The following GRB10 variants were observed in gnomAD, a reference collection of about 807,000 sequenced individuals.
GRB10 encodes the protein growth factor receptor bound protein 10, also known as growth factor receptor-bound protein 10.
In GRB10, 20 loss-of-function variants were observed where a neutral mutation model predicts 80.9. That is an observed-to-expected ratio of 0.25 (90% confidence interval 0.17 to 0.36). The LOEUF (loss-of-function observed/expected upper bound fraction) is 0.36, where lower values mean the gene tolerates loss of function less well. GRB10 is among the 10% of genes least tolerant of loss of function. The probability of loss-of-function intolerance (pLI) is 1.00; values close to 1 mark genes in which losing one functional copy is unlikely to be tolerated. For missense variants in GRB10, 548 were observed against 747.7 expected, an observed-to-expected ratio of 0.73 and a Z score of 3.12; for synonymous variants, 291 against 291.5, an observed-to-expected ratio of 1.00 and a Z score of 0.02.
chr7:50,659,730 A>G (rs1283762876), intron 7 of GRB10, among the ~76,000 whole-genome samples: 1 of 152,264 alleles, frequency 6.6e-6, no homozygotes, highest in Non-Finnish European at 1.5e-5. Flanking sequence ...TTACAGGACC[A>G]TAAGGTTAGA....
chr7:50,720,017 C>T (rs2153684075), intron 4 of GRB10, among the ~76,000 whole-genome samples: 2 of 152,226 alleles, frequency 1.3e-5, no homozygotes, highest in East Asian at 3.9e-4. Flanking sequence ...AACTTGAATG[C>T]CTCTCAACAA....
rs373678626 is a variant in GRB10 at position 50,618,061 on chromosome 7, G to A, written c.846+10C>T. The stretch of plus-strand genomic sequence containing the variant: ...GTCTATTTCAGCAGAGATCTATTGT[G>A]GCCCAGTACCTGCAAAAGCTGGGTT... On this transcript the variant is annotated intron_variant, in intron 10 of 18. Coordinates refer to ENST00000401949, the MANE Select transcript of GRB10 (RefSeq NM_001350814.2). 6.4e-5 allele frequency: 102 copies of A among 1,603,030 alleles called. No homozygotes were observed. In the African/African-American group the frequency reaches 6.4e-4, roughly 10 times the overall value.
chr7:50,603,966 G>A (rs764888338), intron 17 of GRB10, 32 bp downstream of exon 17: 2 of 1,479,508 alleles, frequency 1.4e-6, no homozygotes, highest in African/African-American at 2.8e-5. Context: ...AACCTTAGCA[G>A]ATGACAGCTC....
At chr7:50,691,689 T>C (rs1019583163) in intron 5 of GRB10, among the ~76,000 whole-genome samples, 3 of 152,218 alleles carry the variant, frequency 2.0e-5, no homozygotes, top group Non-Finnish European at 4.4e-5. Flanking sequence ...TCCATTTCCA[T>C]AAGGCAGAAA....
At position 50,732,334 on chromosome 7, in the gene GRB10, G is replaced by A; in HGVS notation, c.-12C>T. 1.2e-6 allele frequency: 2 copies of A among 1,613,164 alleles called. No homozygotes were observed. Among genetic ancestry groups the A allele is most frequent in the Non-Finnish European group, 1.7e-6 (2 of 1,179,470 alleles). On this transcript the variant is annotated 5_prime_UTR_variant, in exon 4 of 19. Coordinates refer to ENST00000401949, the MANE Select transcript of GRB10 (RefSeq NM_001350814.2). ...CCGGCTAAAGCCATGGGTTCCTTCT[G>A]CCTTCTTCAAATTACATTTACTGCG...
chr7:50,726,738 T>TAAA (rs556523211), intron 4 of GRB10, among the ~76,000 whole-genome samples: 56 of 152,342 alleles, frequency 3.7e-4, no homozygotes, highest in Admixed American at 3.3e-3. Context: ...TTGTTAAAAC[T>TAAA]GACTTATGGC....
chr7:50,783,304 G>C (rs1428013175), upstream of GRB10, among the ~76,000 whole-genome samples: 2 of 152,144 alleles, frequency 1.3e-5, no homozygotes, highest in African/African-American at 4.8e-5. Flanking sequence ...CAGGCATAAC[G>C]TTACTGAACA....
At chr7:50,648,907 G>T (rs1208209720) in intron 7 of GRB10, among the ~76,000 whole-genome samples, 1 of 152,184 alleles carries the variant, frequency 6.6e-6, no homozygotes, top group Non-Finnish European at 1.5e-5. Context: ...ACTCAATGTG[G>T]TCGGGCTAGC....
chr7:50,656,870 T>C (rs1009188739), intron 7 of GRB10, among the ~76,000 whole-genome samples: 1 of 152,226 alleles, frequency 6.6e-6, no homozygotes, highest in African/African-American at 2.4e-5. Flanking sequence ...TCCTGAGCTA[T>C]AAAACATCCT....
chr7:50,621,934 A>G (rs992902810), intron 8 of GRB10, among the ~76,000 whole-genome samples: 15 of 152,226 alleles, frequency 9.9e-5, no homozygotes, highest in African/African-American at 3.1e-4. Context: ...CCTTGCAGCT[A>G]AAGTGTGACT....
intron 5 of GRB10, among the ~76,000 whole-genome samples, chr7:50,693,616 T>C (rs1456327715): frequency 6.6e-6 from 1 of 152,156 alleles, no homozygotes. Context: ...TTACACTTCC[T>C]GGGTTATGAC....
At chr7:50,593,712 T>C (rs4245555) in intron 18 of GRB10, among the ~76,000 whole-genome samples, 48,888 of 152,114 alleles carry the variant, frequency 0.32, 9,384 homozygotes, top group East Asian at 0.44. Context: ...GAGTTTTCAG[T>C]TGGATGACTG....
intron 3 of GRB10, among the ~76,000 whole-genome samples, chr7:50,739,056 T>C (rs982133415): frequency 4.6e-5 from 7 of 152,166 alleles, no homozygotes; most frequent in East Asian, 1.9e-4. Context: ...TTCAGAAAAA[T>C]CGTTCAAGCA....
chr7:50,703,982 C>T, intron 4 of GRB10, 74 bp from the exon 5 acceptor site: 4 of 975,024 alleles, frequency 4.1e-6, no homozygotes, highest in Non-Finnish European at 6.6e-6. Flanking sequence ...CACCCAGCTT[C>T]CCCAGCATTT....
intron 3 of GRB10, among the ~76,000 whole-genome samples, chr7:50,749,956 A>T (rs1009869842): frequency 3.3e-5 from 5 of 152,164 alleles, no homozygotes; most frequent in Non-Finnish European, 7.3e-5. Flanking sequence ...ACTGTAACTT[A>T]AAAAAAATTA....
At chr7:50,612,952 C>T (rs1186478574) in intron 12 of GRB10, 113 bp from the exon 13 acceptor site, 6 of 735,240 alleles carry the variant, frequency 8.2e-6, no homozygotes, top group South Asian at 1.5e-5. Flanking sequence ...GGAGATCCCC[C>T]TAGCAAGGAG....
At position 50,782,594 on chromosome 7, in the gene GRB10, G is replaced by T. The variant is rs1283120352; in HGVS notation, c.-497C>A. ...TCCTCCACGGCTCCGCCCCGGCCAG[G>T]GGCCTGCGGCGCAGAAAACCGACCC... On this transcript the variant is annotated 5_prime_UTR_variant, in exon 1 of 19. Coordinates refer to ENST00000401949, the MANE Select transcript of GRB10 (RefSeq NM_001350814.2). The surrounding 1 kb of genome is among the most constrained non-coding windows in gnomAD (Gnocchi z 6.6). The T allele has an allele frequency of 6.6e-6, 1 of 151,166 alleles. No homozygotes were observed. The highest frequency in any genetic ancestry group is 1.5e-5 in the Non-Finnish European group (1 of 67,730). The allele number at this position is 151,166 out of a possible 1,614,324, so 9.4% of individuals were successfully genotyped here. A position where few individuals can be genotyped will look rare whatever the true frequency, so the allele number is the denominator to read the frequency against.
rs965598571 is a variant in GRB10, at chr7:50,599,730, A to T, written c.1545-4200T>A. The stretch of plus-strand genomic sequence containing the variant: ...TCGCTTTACAGGTCTGGAAAGACGG[A>T]TGCCTCACCAACTGGGTTTCTGATC... On this transcript the variant is annotated intron_variant, in intron 17 of 18. Coordinates refer to ENST00000401949, the MANE Select transcript of GRB10 (RefSeq NM_001350814.2). 3.1e-4 allele frequency among the ~76,000 whole-genome samples: 47 copies of T among 152,240 alleles called. 1 individual carries two copies. Among genetic ancestry groups the T allele is most frequent in the Non-Finnish European group, 1.0e-4 (7 of 68,038 alleles).
In GRB10 at chr7:50,736,920, C is replaced by T. The variant is rs539443943; in HGVS notation, c.-46-4552G>A. Among the ~76,000 whole-genome samples, 215 of 152,228 alleles carry T rather than the reference C, an allele frequency of 1.4e-3. 1 individual carries two copies. The highest frequency in any genetic ancestry group is 2.4e-3 in the Non-Finnish European group (160 of 68,022). On this transcript the variant is annotated intron_variant, in intron 3 of 18. Coordinates refer to ENST00000401949, the MANE Select transcript of GRB10 (RefSeq NM_001350814.2). ...TGTATGAAAGACCTAAACGTAAGAG[C>T]TAAAACTATAAAACTCTTAGAAGTA...
Sources: gnomAD v4.1 joint callset for allele counts (sites outside exome capture counted in the v4.1 genomes callset) on GRCh38, gnomAD v4.1.1 for gene constraint, Gnocchi (gnomAD v3.1) non-coding constraint, MANE v1.5 for transcripts, NCBI Gene and HGNC (gene_info 2026-07-23, HGNC 2026-07-21) for gene names.